The following TAFA2 variants were observed in gnomAD, a reference collection of about 807,000 sequenced individuals.
TAFA2 encodes TAFA chemokine like family member 2.
TAFA2 carries 7 observed loss-of-function variants against 18.8 expected under a neutral mutation model. The ratio of observed to expected loss-of-function variants is 0.37; its 90% CI spans 0.21 to 0.70. The LOEUF is 0.70. Ranked by LOEUF, TAFA2 falls within the 30% of genes least tolerant of loss-of-function variation. The probability of loss-of-function intolerance (pLI) is 0.53; values close to 1 mark genes in which losing one functional copy is unlikely to be tolerated. For missense variants in TAFA2, 122 were observed against 158.1 expected, an observed-to-expected ratio of 0.77 and a Z score of 1.23; for synonymous variants, 60 against 54.2, an observed-to-expected ratio of 1.11 and a Z score of -0.47.
At position 62,129,512 on chromosome 12, in the gene TAFA2, G is replaced by A. The variant is rs76259948; in HGVS notation, c.-2+61747C>T. Reference sequence around the variant, plus strand: ...CAAACCAACATTTCTGCAGTTCACCGATACGGTGGTAATGAACGTTGACAA... The same window carrying A: ...CAAACCAACATTTCTGCAGTTCACCAATACGGTGGTAATGAACGTTGACAA... On this transcript the variant is annotated intron_variant, in intron 1 of 4. Coordinates refer to ENST00000416284, the MANE Select transcript of TAFA2 (RefSeq NM_178539.5). 4.4e-3 allele frequency among the ~76,000 whole-genome samples: 672 copies of A among 152,066 alleles called. 6 individuals carry two copies. The highest frequency in any genetic ancestry group is 0.015 in the African/African-American group (622 of 41,488).
intron 1 of TAFA2, among the ~76,000 whole-genome samples, chr12:62,121,861 T>G (rs1246147651): frequency 6.6e-6 from 1 of 152,204 alleles, no homozygotes; most frequent in Non-Finnish European, 1.5e-5. Context: ...AGCACAAGCA[T>G]GACCATTGAA....
At chr12:62,047,652 A>C (rs1435974715) in intron 1 of TAFA2, among the ~76,000 whole-genome samples, 2 of 152,200 alleles carry the variant, frequency 1.3e-5, no homozygotes, top group African/African-American at 4.8e-5. Flanking sequence ...CCAAAACCTA[A>C]CCATGTAATT....
chr12:61,806,303 G>A (rs888061043), intron 2 of TAFA2, among the ~76,000 whole-genome samples: 2 of 152,054 alleles, frequency 1.3e-5, no homozygotes, highest in Non-Finnish European at 2.9e-5. Flanking sequence ...TGAGTCTCAC[G>A]AGATCTGATG....
chr12:62,184,077 CATT>C (rs1426825356), intron 1 of TAFA2, among the ~76,000 whole-genome samples: 3 of 152,278 alleles, frequency 2.0e-5, no homozygotes, highest in South Asian at 2.1e-4. Flanking sequence ...CCATAATCAT[CATT>C]ATCATCATCT....
intron 1 of TAFA2, among the ~76,000 whole-genome samples, chr12:61,965,922 G>A (rs981920608): frequency 2.0e-5 from 3 of 151,724 alleles, no homozygotes; most frequent in Non-Finnish European, 1.5e-5. Context: ...AATCTATAAT[G>A]GACCTAGAAA....
chr12:61,925,399 G>C (rs1196057320), intron 1 of TAFA2, among the ~76,000 whole-genome samples: 1 of 152,160 alleles, frequency 6.6e-6, no homozygotes, highest in East Asian at 1.9e-4. Context: ...CCAAACCACA[G>C]TGCAATCAAA....
chr12:61,751,960 A>G (rs1472105913), intron 4 of TAFA2, among the ~76,000 whole-genome samples: 1 of 152,034 alleles, frequency 6.6e-6, no homozygotes, highest in Non-Finnish European at 1.5e-5. Context: ...CGACCTCTTA[A>G]GAAAAGAACT....
chr12:61,858,984 C>T (rs1336971893), intron 2 of TAFA2, among the ~76,000 whole-genome samples: 1 of 152,190 alleles, frequency 6.6e-6, no homozygotes. Context: ...AAGCAAATCA[C>T]ATTTTTTAAA....
At chr12:61,799,243 ATAATAATGTGCTGTTTATAG>A (rs1245544941) in intron 2 of TAFA2, among the ~76,000 whole-genome samples, 1 of 152,214 alleles carries the variant, frequency 6.6e-6, no homozygotes, top group Non-Finnish European at 1.5e-5. Flanking sequence ...TCTCACAAAA[ATAATAATGTGCTGTTTATAG>A]TTCACTTCTT....
chr12:62,116,382 AT>A (rs1303815095), intron 1 of TAFA2, among the ~76,000 whole-genome samples: 10 of 152,238 alleles, frequency 6.6e-5, no homozygotes, highest in Non-Finnish European at 1.2e-4. Context: ...GCCCACAATC[AT>A]TATCACAACG....
intron 1 of TAFA2, among the ~76,000 whole-genome samples, chr12:62,113,098 T>C (rs1165102783): frequency 6.6e-6 from 1 of 152,240 alleles, no homozygotes; most frequent in East Asian, 1.9e-4. Context: ...TTTGGGCTGG[T>C]TTTTCCTCAT....
intron 4 of TAFA2, among the ~76,000 whole-genome samples, chr12:61,732,486 G>A (rs547200048): frequency 1.4e-4 from 22 of 152,042 alleles, no homozygotes; most frequent in Non-Finnish European, 2.8e-4. Context: ...TGAAGTTTCC[G>A]GTAACACACA....
intron 1 of TAFA2, among the ~76,000 whole-genome samples, chr12:62,178,224 C>T (rs910752445): frequency 7.9e-5 from 12 of 152,014 alleles, no homozygotes; most frequent in Admixed American, 6.6e-4. Context: ...CACTTGAGCC[C>T]GAGAGATCGA....
chr12:62,200,689 T>G (rs1018907684), intron 1 of TAFA2, among the ~76,000 whole-genome samples: 3 of 152,234 alleles, frequency 2.0e-5, no homozygotes, highest in African/African-American at 7.2e-5. Flanking sequence ...GGTAGTGTGA[T>G]GCCTCCAGCT....
intron 1 of TAFA2, among the ~76,000 whole-genome samples, chr12:62,170,016 T>G (rs2136939684): frequency 6.6e-6 from 1 of 152,202 alleles, no homozygotes; most frequent in Admixed American, 6.5e-5. Flanking sequence ...AAAAACCAAG[T>G]TAAGATTCTA....
intron 2 of TAFA2, among the ~76,000 whole-genome samples, chr12:61,837,875 T>C (rs181598732): frequency 5.3e-5 from 8 of 152,056 alleles, no homozygotes; most frequent in Admixed American, 5.2e-4. Context: ...TTAAGAAAAT[T>C]ATATTAGAGC....
chr12:62,026,908 C>T (rs899109273), intron 1 of TAFA2, among the ~76,000 whole-genome samples: 1 of 152,048 alleles, frequency 6.6e-6, no homozygotes, highest in Admixed American at 6.6e-5. Flanking sequence ...AAATTATAGG[C>T]CTAACTTATT....
At chr12:61,955,632 A>AT (rs1434243909) in intron 1 of TAFA2, among the ~76,000 whole-genome samples, 27 of 41,200 alleles carry the variant, frequency 6.6e-4, no homozygotes, top group Non-Finnish European at 9.0e-4. Flanking sequence ...AAAAAAAAAA[A>AT]ATATATATAT....
intron 2 of TAFA2, among the ~76,000 whole-genome samples, chr12:61,812,011 T>C (rs1319294150): frequency 6.6e-6 from 1 of 151,288 alleles, no homozygotes; most frequent in Non-Finnish European, 1.5e-5. Flanking sequence ...CTATGTGGTA[T>C]ATTGTAAGAG....
Sources: gnomAD v4.1 joint callset for allele counts (sites outside exome capture counted in the v4.1 genomes callset) on GRCh38, gnomAD v4.1.1 for gene constraint, MANE v1.5 for transcripts, NCBI Gene and HGNC (gene_info 2026-07-23, HGNC 2026-07-21) for gene names.